Variants in HEG1 observed in about 807,000 individuals in gnomAD.
HEG1 encodes the protein protein HEG homolog 1.
A neutral mutation model predicts 125.6 loss-of-function variants in HEG1; 56 were observed. The ratio of observed to expected loss-of-function variants is 0.45; its 90% CI spans 0.36 to 0.56. The LOEUF is 0.56. Among genes scored for constraint, HEG1 ranks in the 20% least tolerant of loss-of-function variants. HEG1 has a pLI of 0.00. For missense variants in HEG1, 1,523 were observed against 1,670.0 expected (o/e 0.91, Z 1.53); for synonymous variants, 644 against 668.5 (o/e 0.96, Z 0.57).
chr3:124,994,087 C>T (rs1036391001), intron 12 of HEG1, among the ~76,000 whole-genome samples: 3 of 152,110 alleles, frequency 2.0e-5, no homozygotes, highest in African/African-American at 7.2e-5. Flanking sequence ...TTCCATGGAC[C>T]AGCAAGGGGG....
In HEG1 at chr3:125,025,922, G is replaced by C. The variant is rs114148804; in HGVS notation, c.913+1283C>G. The stretch of plus-strand genomic sequence containing the variant: ...AGGGTATGTGGAAGAAGAATTGGCT[G>C]CTTTAAACAGGCACTCCAGAAGGGA... On this transcript the variant is annotated intron_variant, in intron 3 of 16. Transcript: ENST00000311127. 9.3e-3 allele frequency among the ~76,000 whole-genome samples: 1,421 copies of C among 152,294 alleles called. 12 individuals are homozygous for C. The highest frequency in any genetic ancestry group is 0.033 in the African/African-American group (1,368 of 41,568).
rs10658772 is a variant in HEG1, at chr3:125,036,209, C to CAA, written c.317-6723_317-6722dup. ...TGGATGACAAAGCAAGACCCTGTCT[C>CAA]AAAAAAAAAAAAAAAAAGAAAAGAA... On this transcript the variant is annotated intron_variant, in intron 1 of 16. Coordinates refer to ENST00000311127, the MANE Select transcript of HEG1 (RefSeq NM_020733.2). Among the ~76,000 whole-genome samples, 12 of 70,556 alleles carry CAA rather than the reference C, an allele frequency of 1.7e-4. 1 individual carries two copies. Among genetic ancestry groups the CAA allele is most frequent in the Non-Finnish European group, 2.9e-4 (12 of 41,298 alleles). 46.3% of individuals were successfully genotyped at this position (70,556 alleles called of 152,430 possible). A position where few individuals can be genotyped will look rare whatever the true frequency, so the allele number is the denominator to read the frequency against.
chr3:125,022,049 C>T (rs140090185), intron 3 of HEG1, among the ~76,000 whole-genome samples: 3 of 152,232 alleles, frequency 2.0e-5, no homozygotes, highest in East Asian at 3.9e-4. Context: ...CACATAAGTA[C>T]GGGTGTCTCC....
rs971145981 is a variant in HEG1 at position 124,966,225 on chromosome 3, G to A, written c.*4427C>T. On this transcript the variant is annotated 3_prime_UTR_variant, in exon 17 of 17. Transcript: ENST00000311127. ...TCTGAATATGCAAATTCTTCAAAATGTCCTCTTTGAAAATGCCCAGGTGAC... is the reference window on the plus strand; with the variant it reads ...TCTGAATATGCAAATTCTTCAAAATATCCTCTTTGAAAATGCCCAGGTGAC... 2.6e-5 allele frequency: 4 copies of A among 152,120 alleles called. No homozygotes were observed. The highest frequency in any genetic ancestry group is 9.7e-5 in the African/African-American group (4 of 41,414). 9.4% of individuals were successfully genotyped at this position (152,120 alleles called of 1,614,324 possible).
rs192131963 is a variant in HEG1, at chr3:124,988,533, A to G, written c.3733+2254T>C. Among the ~76,000 whole-genome samples, 285 of 152,324 alleles carry G rather than the reference A, an allele frequency of 1.9e-3. 2 individuals are homozygous for G. Among genetic ancestry groups the G allele is most frequent in the Admixed American group, 3.7e-3 (56 of 15,300 alleles). Reference sequence around the variant, plus strand: ...TCCATTGGAGTGAAGGGCCGTGCTCACATGGTTCTATGGCCCCACAGTGTC... The same window carrying G: ...TCCATTGGAGTGAAGGGCCGTGCTCGCATGGTTCTATGGCCCCACAGTGTC... On this transcript the variant is annotated intron_variant, in intron 14 of 16. Coordinates refer to ENST00000311127, the MANE Select transcript of HEG1 (RefSeq NM_020733.2).
At chr3:125,037,602 T>G (rs532918337) in intron 1 of HEG1, among the ~76,000 whole-genome samples, 102 of 152,352 alleles carry the variant, frequency 6.7e-4, no homozygotes, top group Admixed American at 2.5e-3. Context: ...GCAGAGCAGC[T>G]AGACACCAAA....
intron 11 of HEG1, among the ~76,000 whole-genome samples, chr3:125,001,188 T>C (rs1377279433): frequency 6.6e-6 from 1 of 151,816 alleles, no homozygotes; most frequent in African/African-American, 2.4e-5. Flanking sequence ...TGTGCATTTA[T>C]AATGTGCAAA....
At chr3:125,016,625 C>T (rs74538685) in intron 5 of HEG1, among the ~76,000 whole-genome samples, 3,339 of 152,266 alleles carry the variant, frequency 0.022, 138 homozygotes, top group African/African-American at 0.077. Flanking sequence ...ATATCCCCCG[C>T]TTGTGTGTGT....
chr3:125,032,880 C>G (rs909163271), intron 1 of HEG1, among the ~76,000 whole-genome samples: 3 of 152,120 alleles, frequency 2.0e-5, no homozygotes, highest in Admixed American at 1.3e-4. Context: ...TTTGAGGAAG[C>G]AGCTTTGTTC....
chr3:125,001,274 T>TACATTA (rs1936994963), intron 11 of HEG1, among the ~76,000 whole-genome samples: 2 of 151,216 alleles, frequency 1.3e-5, no homozygotes, highest in Admixed American at 1.3e-4. Context: ...ATGATGAAGG[T>TACATTA]TTTGGTGGTG....
chr3:124,986,531 C>T (rs1396444147), intron 14 of HEG1, among the ~76,000 whole-genome samples: 1 of 152,160 alleles, frequency 6.6e-6, no homozygotes, highest in African/African-American at 2.4e-5. Context: ...GTGGCAAGTG[C>T]TACTTATTAT....
intron 1 of HEG1, among the ~76,000 whole-genome samples, chr3:125,032,496 A>C (rs958060932): frequency 1.3e-5 from 2 of 152,116 alleles, no homozygotes; most frequent in African/African-American, 2.4e-5. Flanking sequence ...TGCAGCTAGA[A>C]ATGGGATGTG....
intron 14 of HEG1, among the ~76,000 whole-genome samples, chr3:124,982,043 T>C (rs543466217): frequency 2.0e-5 from 3 of 152,218 alleles, no homozygotes; most frequent in Admixed American, 1.3e-4. Flanking sequence ...GCTGGGATTA[T>C]AGGAATGAAC....
In HEG1 at chr3:124,997,731, A is replaced by G; in HGVS notation, c.3610T>C (p.Ser1204Pro). The change falls in exon 12 of 17, where the codon TCG becomes CCG. Residue 1204 changes from serine to proline, a missense_variant. Transcript: ENST00000311127. ...ATCTTGTTGAACTGAAAGTATCCCG[A>G]CTTGCACTGGCACAGGGCAACGCCG... ...LDGVALCQCKSGYFQFNKMDH... is the reference protein window; with the variant it reads ...LDGVALCQCKPGYFQFNKMDH... The G allele has an allele frequency of 6.3e-7, 1 of 1,595,444 alleles. No homozygotes were observed. The highest frequency in any genetic ancestry group is 8.6e-7 in the Non-Finnish European group (1 of 1,167,148).
chr3:125,029,849 GC>G (rs1423368714), intron 1 of HEG1, among the ~76,000 whole-genome samples: 1 of 152,184 alleles, frequency 6.6e-6, no homozygotes, highest in African/African-American at 2.4e-5. Context: ...CCAAGAACGT[GC>G]CATTGCACTC....
chr3:125,047,054 T>G (rs1351183082), intron 1 of HEG1, among the ~76,000 whole-genome samples: 1 of 152,250 alleles, frequency 6.6e-6, no homozygotes, highest in Non-Finnish European at 1.5e-5. Context: ...ATCATGAAAG[T>G]TGGCTCTTTC....
At chr3:125,007,502 T>C (rs868167772) in intron 8 of HEG1, among the ~76,000 whole-genome samples, 15 of 152,380 alleles carry the variant, frequency 9.8e-5, no homozygotes, top group Middle Eastern at 3.4e-3. Context: ...ATTATTACTT[T>C]GTATTCAGCA....
intron 2 of HEG1, among the ~76,000 whole-genome samples, chr3:125,028,513 A>AC (rs1269220440): frequency 6.6e-6 from 1 of 151,464 alleles, no homozygotes; most frequent in African/African-American, 2.4e-5. Flanking sequence ...ACACCTCAGC[A>AC]CCCCCACCAC....
At position 125,013,318 on chromosome 3, in the gene HEG1, G is replaced by A. The variant is rs912548318; in HGVS notation, c.2261C>T (p.Pro754Leu). The change falls in exon 6 of 17, where the codon CCT becomes CTT. Residue 754 changes from proline (P) to leucine (L), a missense_variant. Pro to Leu is a moderately conservative substitution (Grantham distance 98). Transcript: ENST00000311127. Reference sequence around the variant, plus strand: ...TGTTGATGTCTGAAATGAAGTCACAGGAGTCTCCCTTGCCCTGGGCAGGAC... The same window carrying A: ...TGTTGATGTCTGAAATGAAGTCACAAGAGTCTCCCTTGCCCTGGGCAGGAC... ...TPVLPRARET[P>L]VTSFQTSTMT... 2 of 1,614,012 alleles carry A rather than the reference G, an allele frequency of 1.2e-6. No individual in the cohort carries two copies. Among genetic ancestry groups the A allele is most frequent in the South Asian group, 1.1e-5 (1 of 91,074 alleles).
Sources: gnomAD v4.1 joint callset for allele counts (sites outside exome capture counted in the v4.1 genomes callset) on GRCh38, gnomAD v4.1.1 for gene constraint, MANE v1.5 for transcripts, NCBI Gene and HGNC (gene_info 2026-07-23, HGNC 2026-07-21) for gene names.